GALNTL6: variants seen among roughly 807,000 people sequenced by gnomAD.
The protein encoded by GALNTL6 is polypeptide N-acetylgalactosaminyltransferase like 6.
Under a neutral mutation model 73.7 loss-of-function variants are expected in GALNTL6, and 46 were observed. The ratio of observed to expected loss-of-function variants is 0.62; its 90% CI spans 0.49 to 0.80. GALNTL6 has a LOEUF of 0.80. Ranked by LOEUF, GALNTL6 falls within the 30% of genes least tolerant of loss-of-function variation. The pLI is 0.00. For missense variants in GALNTL6, 604 were observed against 755.0 expected, an observed-to-expected ratio of 0.80 and a Z score of 2.34; for synonymous variants, 259 against 263.7, an observed-to-expected ratio of 0.98 and a Z score of 0.17.
At chr4:172,658,032 C>T (rs1455506492) in intron 5 of GALNTL6, among the ~76,000 whole-genome samples, 2 of 139,458 alleles carry the variant, frequency 1.4e-5, no homozygotes, top group Non-Finnish European at 3.1e-5. Flanking sequence ...CGCCTGTAGT[C>T]CCAGCTACTC....
chr4:172,377,626 C>T (rs1432019438), intron 5 of GALNTL6, among the ~76,000 whole-genome samples: 1 of 152,158 alleles, frequency 6.6e-6, no homozygotes, highest in Non-Finnish European at 1.5e-5. Context: ...CACGGGAGCC[C>T]ACCGGTTGTG....
intron 5 of GALNTL6, among the ~76,000 whole-genome samples, chr4:172,494,230 C>T (rs561263271): frequency 1.3e-5 from 2 of 152,254 alleles, no homozygotes; most frequent in South Asian, 2.1e-4. Flanking sequence ...CTTTAAGATA[C>T]GTAATATTAC....
At chr4:172,932,719 T>C (rs1387778966) in intron 9 of GALNTL6, among the ~76,000 whole-genome samples, 1 of 152,216 alleles carries the variant, frequency 6.6e-6, no homozygotes, top group East Asian at 1.9e-4. Context: ...ATACACCTTA[T>C]ATACATGGCC....
At position 172,193,981 on chromosome 4, in the gene GALNTL6, G is replaced by A. The variant is rs369047739; in HGVS notation, c.139-35675G>A. Among the ~76,000 whole-genome samples, 429 of 152,328 alleles carry A rather than the reference G, an allele frequency of 2.8e-3. 4 individuals carry two copies. The highest frequency in any genetic ancestry group is 9.6e-3 in the African/African-American group (400 of 41,570). On this transcript the variant is annotated intron_variant, in intron 2 of 12. Coordinates refer to ENST00000506823, the MANE Select transcript of GALNTL6 (RefSeq NM_001034845.3). ...ACCAAGGGCACAAAACTGGACAGAA[G>A]CTGAGATGGATGAATTGACAGAAGT...
intron 2 of GALNTL6, among the ~76,000 whole-genome samples, chr4:171,943,665 C>A (rs1738618435): frequency 6.6e-6 from 1 of 152,108 alleles, no homozygotes; most frequent in Non-Finnish European, 1.5e-5. Context: ...TCATCTGAAT[C>A]CCCTGGTCTT....
chr4:172,888,564 T>C (rs765837093), intron 8 of GALNTL6, among the ~76,000 whole-genome samples: 1 of 152,202 alleles, frequency 6.6e-6, no homozygotes, highest in Non-Finnish European at 1.5e-5. Flanking sequence ...ATCAGTTCAT[T>C]GTAGGCGTGC....
intron 2 of GALNTL6, among the ~76,000 whole-genome samples, chr4:171,873,874 A>C (rs1736202494): frequency 6.6e-6 from 1 of 152,106 alleles, no homozygotes; most frequent in Admixed American, 6.5e-5. Context: ...GAGTTGAAGG[A>C]GGGACATGAC....
intron 5 of GALNTL6, among the ~76,000 whole-genome samples, chr4:172,428,073 A>G (rs942021675): frequency 6.6e-5 from 10 of 152,150 alleles, no homozygotes; most frequent in African/African-American, 2.4e-4. Flanking sequence ...AGACAAATGC[A>G]TTATGTTAAA....
intron 2 of GALNTL6, among the ~76,000 whole-genome samples, chr4:171,953,403 A>G (rs1472322884): frequency 6.6e-6 from 1 of 152,190 alleles, no homozygotes; most frequent in African/African-American, 2.4e-5. Flanking sequence ...GATCAATACA[A>G]CAATCAGCTA....
chr4:172,953,978 T>C (rs1365634318), intron 10 of GALNTL6, among the ~76,000 whole-genome samples: 1 of 152,198 alleles, frequency 6.6e-6, no homozygotes, highest in Non-Finnish European at 1.5e-5. Context: ...TACAGTTTTT[T>C]TTGTTTGTTT....
intron 5 of GALNTL6, among the ~76,000 whole-genome samples, chr4:172,761,626 G>A (rs1464320440): frequency 6.6e-6 from 1 of 151,430 alleles, no homozygotes; most frequent in Non-Finnish European, 1.5e-5. Flanking sequence ...GTTCTCATGA[G>A]ATCTGATGGT....
intron 2 of GALNTL6, among the ~76,000 whole-genome samples, chr4:172,112,581 T>C (rs1450184555): frequency 1.3e-5 from 2 of 152,152 alleles, no homozygotes; most frequent in Non-Finnish European, 1.5e-5. Flanking sequence ...TTCTGGAATT[T>C]GGCCATTCTA....
chr4:171,880,535 A>C (rs1355536764), intron 2 of GALNTL6, among the ~76,000 whole-genome samples: 1 of 152,206 alleles, frequency 6.6e-6, no homozygotes, highest in East Asian at 1.9e-4. Context: ...AAGCCAATTA[A>C]CTGGAACAGT....
chr4:172,948,986 T>C lies in GALNTL6; in HGVS notation c.1150-3051T>C, dbSNP rs185439192. On this transcript the variant is annotated intron_variant, in intron 9 of 12. Coordinates refer to ENST00000506823, the MANE Select transcript of GALNTL6 (RefSeq NM_001034845.3). ...CATGATCCTCTGAGCCTTTTCCCAT[T>C]GACTGCACCGGAATTAGTTAGTTCC... Among the ~76,000 whole-genome samples the C allele has an allele frequency of 3.9e-5, 6 of 152,350 alleles. No individual in the cohort carries two copies. The East Asian group carries it at 1.2e-3, about 29-fold the overall frequency.
At chr4:172,469,116 A>G (rs1198643063) in intron 5 of GALNTL6, among the ~76,000 whole-genome samples, 13 of 152,196 alleles carry the variant, frequency 8.5e-5, no homozygotes, top group Admixed American at 8.5e-4. Flanking sequence ...AGCCAAGTCT[A>G]TGGAAGGAAA....
At chr4:171,881,118 C>A (rs369823007) in intron 2 of GALNTL6, among the ~76,000 whole-genome samples, 1 of 152,174 alleles carries the variant, frequency 6.6e-6, no homozygotes, top group Admixed American at 6.5e-5. Context: ...ACTGATGCCC[C>A]TAGCCTTGCA....
intron 11 of GALNTL6, among the ~76,000 whole-genome samples, chr4:173,010,858 G>A (rs1316442490): frequency 6.6e-6 from 1 of 151,402 alleles, no homozygotes; most frequent in African/African-American, 2.4e-5. Flanking sequence ...GCCCACCTTG[G>A]CCTCCCAAAG....
At chr4:172,525,863 A>C (rs895287595) in intron 5 of GALNTL6, among the ~76,000 whole-genome samples, 8 of 152,176 alleles carry the variant, frequency 5.3e-5, no homozygotes, top group Non-Finnish European at 5.9e-5. Context: ...ACCCTGTCCC[A>C]AAAAAATAAA....
At chr4:172,390,103 A>G (rs1186540934) in intron 5 of GALNTL6, among the ~76,000 whole-genome samples, 2 of 152,206 alleles carry the variant, frequency 1.3e-5, no homozygotes, top group Non-Finnish European at 2.9e-5. Context: ...TTATTATTTA[A>G]ATTTCCTTTA....
Sources: gnomAD v4.1 joint callset for allele counts (sites outside exome capture counted in the v4.1 genomes callset) on GRCh38, gnomAD v4.1.1 for gene constraint, MANE v1.5 for transcripts, NCBI Gene and HGNC (gene_info 2026-07-23, HGNC 2026-07-21) for gene names.